Variants in HEATR5A observed in about 807,000 individuals in gnomAD.
HEATR5A encodes the protein HEAT repeat-containing protein 5A.
In HEATR5A, 178 loss-of-function variants were observed where a neutral mutation model predicts 218.8. That is an observed-to-expected ratio of 0.81 (90% CI 0.72 to 0.92). The LOEUF (loss-of-function observed/expected upper bound fraction) is 0.92. Among genes scored for constraint, HEATR5A ranks in the 40% least tolerant of loss-of-function variants. HEATR5A has a pLI of 0.00. For synonymous variants in HEATR5A, 864 were observed against 871.6 expected (o/e 0.99, Z 0.15); for missense variants, 2,420 against 2,418.9 (o/e 1.00, Z -0.01).
At chr14:31,413,655 T>C (rs553869139) in intron 1 of HEATR5A, among the ~76,000 whole-genome samples, 2 of 152,292 alleles carry the variant, frequency 1.3e-5, no homozygotes, top group African/African-American at 4.8e-5. Context: ...AGGATCTACG[T>C]ACTAAAACCT....
chr14:31,356,372 G>A (rs1197801803), intron 16 of HEATR5A, among the ~76,000 whole-genome samples: 1 of 152,122 alleles, frequency 6.6e-6, no homozygotes, highest in Non-Finnish European at 1.5e-5. Context: ...CAGTAGCTGG[G>A]ACTACAGTTG....
chr14:31,337,408 G>C (rs41304355), intron 22 of HEATR5A, 68 bp downstream of exon 22: 33,803 of 1,310,090 alleles, frequency 0.026, 535 homozygotes, highest in Non-Finnish European at 0.031. Flanking sequence ...CAAAACTCAT[G>C]TATATATGGA....
intron 9 of HEATR5A, among the ~76,000 whole-genome samples, chr14:31,385,611 C>T (rs1307512771): frequency 6.6e-6 from 1 of 152,022 alleles, no homozygotes; most frequent in African/African-American, 2.4e-5. Context: ...TGGACTTCTT[C>T]CTGGGGTAAT....
chr14:31,408,755 T>C (rs978751062), intron 1 of HEATR5A, among the ~76,000 whole-genome samples: 2 of 151,420 alleles, frequency 1.3e-5, no homozygotes, highest in Admixed American at 6.6e-5. Context: ...ATGTATATTA[T>C]TGACTACTAA....
chr14:31,366,826 G>A (rs140222757), intron 13 of HEATR5A, among the ~76,000 whole-genome samples: 3 of 152,292 alleles, frequency 2.0e-5, no homozygotes, highest in African/African-American at 7.2e-5. Flanking sequence ...AAGGATCTGA[G>A]ACTAGGCTTG....
At chr14:31,413,171 C>T (rs1448874348) in intron 1 of HEATR5A, among the ~76,000 whole-genome samples, 1 of 152,024 alleles carries the variant, frequency 6.6e-6, no homozygotes, top group Admixed American at 6.6e-5. Context: ...AGAATGTTGC[C>T]GCTCACCACT....
chr14:31,336,244 ATATATATATATATATATAT>A (rs1900661850), intron 22 of HEATR5A, among the ~76,000 whole-genome samples: 1 of 117,776 alleles, frequency 8.5e-6, no homozygotes, highest in Admixed American at 8.0e-5. Flanking sequence ...ATATATATAT[ATATATATATATATATATAT>A]AATTTTTAAA....
At chr14:31,344,547 T>C (rs955236111) in intron 20 of HEATR5A, among the ~76,000 whole-genome samples, 6 of 151,180 alleles carry the variant, frequency 4.0e-5, no homozygotes, top group African/African-American at 1.2e-4. Flanking sequence ...CTTCCCAAAG[T>C]GCTAGGATTA....
At chr14:31,366,252 C>T (rs368109940) in intron 13 of HEATR5A, among the ~76,000 whole-genome samples, 7 of 151,992 alleles carry the variant, frequency 4.6e-5, no homozygotes, top group Non-Finnish European at 8.8e-5. Context: ...CAATCCCGGG[C>T]GACAGACTGA....
intron 4 of HEATR5A, among the ~76,000 whole-genome samples, chr14:31,395,649 T>C (rs1386854200): frequency 6.6e-6 from 1 of 152,218 alleles, no homozygotes. Flanking sequence ...AAATAGTTGC[T>C]ATAGTCTAAG....
chr14:31,365,354 TTTTTG>T (rs1325323703), intron 13 of HEATR5A, among the ~76,000 whole-genome samples: 3 of 152,154 alleles, frequency 2.0e-5, no homozygotes, highest in South Asian at 4.1e-4. Context: ...TGTACTTTCT[TTTTTG>T]TTTTGTTATT....
intron 12 of HEATR5A, among the ~76,000 whole-genome samples, chr14:31,372,928 C>T (rs185458360): frequency 1.3e-5 from 2 of 151,108 alleles, no homozygotes; most frequent in Non-Finnish European, 3.0e-5. Context: ...CCTTCCCTCC[C>T]GACCCCACCT....
At chr14:31,304,773 G>A in intron 32 of HEATR5A, 132 bp downstream of exon 32, 1 of 893,068 alleles carries the variant, frequency 1.1e-6, no homozygotes, top group Non-Finnish European at 1.7e-6. Flanking sequence ...TAATCTTAGA[G>A]GATTAAAGAC....
intron 21 of HEATR5A, among the ~76,000 whole-genome samples, chr14:31,343,148 A>T (rs1476532134): frequency 6.7e-6 from 1 of 150,096 alleles, no homozygotes; most frequent in Admixed American, 6.7e-5. Flanking sequence ...CTGGAGTGCC[A>T]ATGGCACGAT....
intron 4 of HEATR5A, 39 bp from the exon 5 acceptor site, chr14:31,395,387 A>C (rs201553711): frequency 8.4e-7 from 1 of 1,189,326 alleles, no homozygotes; most frequent in African/African-American, 1.5e-5. Flanking sequence ...AAAAATAATT[A>C]AACTGCAAAG....
intron 1 of HEATR5A, among the ~76,000 whole-genome samples, chr14:31,404,846 G>A (rs571224106): frequency 2.0e-5 from 3 of 151,816 alleles, no homozygotes; most frequent in East Asian, 3.9e-4. Flanking sequence ...CCAGAGAGGT[G>A]GAGGCTTCAG....
intron 1 of HEATR5A, among the ~76,000 whole-genome samples, chr14:31,416,416 C>A (rs1426694935): frequency 6.6e-6 from 1 of 152,188 alleles, no homozygotes; most frequent in East Asian, 1.9e-4. Flanking sequence ...GCCACCGCAT[C>A]TGGTCGATGG....
intron 13 of HEATR5A, among the ~76,000 whole-genome samples, chr14:31,365,502 A>G: frequency 6.6e-6 from 1 of 152,004 alleles, no homozygotes; most frequent in Non-Finnish European, 1.5e-5. Context: ...CTGGGACTAC[A>G]GGCACGTGCC....
intron 21 of HEATR5A, among the ~76,000 whole-genome samples, chr14:31,337,852 CAA>C (rs754772418): frequency 6.6e-6 from 1 of 151,996 alleles, no homozygotes; most frequent in Non-Finnish European, 1.5e-5. Flanking sequence ...ATAAATCTAA[CAA>C]AAGTCTTTTG....
Sources: gnomAD v4.1 joint callset for allele counts (sites outside exome capture counted in the v4.1 genomes callset) on GRCh38, gnomAD v4.1.1 for gene constraint, MANE v1.5 for transcripts, NCBI Gene and HGNC (gene_info 2026-07-23, HGNC 2026-07-21) for gene names.